FAM107B: variants seen among roughly 807,000 people sequenced by gnomAD.
FAM107B encodes the protein protein FAM107B.
In FAM107B, 21 loss-of-function variants were observed where a neutral mutation model predicts 31.5. That is an observed-to-expected ratio of 0.67 (90% confidence interval 0.47 to 0.96). The LOEUF is 0.96. FAM107B is among the 40% of genes least tolerant of loss of function. FAM107B has a pLI of 0.00. For synonymous variants in FAM107B, 157 were observed against 141.5 expected (o/e 1.11, Z -0.78); for missense variants, 452 against 377.1 (o/e 1.20, Z -1.64).
chr10:14,629,529 T>C (rs1853296829), intron 2 of FAM107B, among the ~76,000 whole-genome samples: 1 of 132,690 alleles, frequency 7.5e-6, no homozygotes, highest in Non-Finnish European at 1.5e-5. Flanking sequence ...ATATTTTTTT[T>C]TGAGATGAAG....
At chr10:14,640,164 G>A (rs1269578478) in intron 2 of FAM107B, among the ~76,000 whole-genome samples, 2 of 152,160 alleles carry the variant, frequency 1.3e-5, no homozygotes, top group African/African-American at 4.8e-5. Context: ...CTCACAACCA[G>A]CCTTTGAGAT....
intron 1 of FAM107B, among the ~76,000 whole-genome samples, chr10:14,717,850 C>T (rs1325900582): frequency 6.6e-6 from 1 of 152,168 alleles, no homozygotes; most frequent in Non-Finnish European, 1.5e-5. Flanking sequence ...TCTCAACTAT[C>T]TCAGAAACAG....
chr10:14,619,519 A>G (rs1019460671), intron 2 of FAM107B, among the ~76,000 whole-genome samples: 1 of 151,740 alleles, frequency 6.6e-6, no homozygotes, highest in African/African-American at 2.4e-5. Context: ...TCCAGTTTTT[A>G]TTGGTTGTGT....
In FAM107B at chr10:14,640,866, G is replaced by T. The variant is rs142196788; in HGVS notation, c.469+26768C>A. Among the ~76,000 whole-genome samples the T allele has an allele frequency of 8.7e-3, 1,319 of 152,244 alleles. 11 individuals carry two copies. Among genetic ancestry groups the T allele is most frequent in the African/African-American group, 0.031 (1,267 of 41,540 alleles). On this transcript the variant is annotated intron_variant, in intron 2 of 4. Transcript: ENST00000181796. The stretch of plus-strand genomic sequence containing the variant: ...TTGGCACACTGCTTTTCTTCAAGGG[G>T]ACTGCCCAATTCTCACATTTTCCCC...
At chr10:14,617,158 G>A (rs1038644819) in intron 2 of FAM107B, among the ~76,000 whole-genome samples, 6 of 151,302 alleles carry the variant, frequency 4.0e-5, no homozygotes, top group African/African-American at 1.5e-4. Flanking sequence ...TAACTGACTC[G>A]GGATATTTTC....
At chr10:14,701,125 T>G (rs1855389692) in intron 1 of FAM107B, among the ~76,000 whole-genome samples, 1 of 152,238 alleles carries the variant, frequency 6.6e-6, no homozygotes, top group Non-Finnish European at 1.5e-5. Flanking sequence ...TCACCTTATG[T>G]TCTCTGACAT....
intron 2 of FAM107B, among the ~76,000 whole-genome samples, chr10:14,618,734 A>G (rs2131399363): frequency 6.6e-6 from 1 of 152,206 alleles, no homozygotes; most frequent in South Asian, 2.1e-4. Flanking sequence ...CTACACAGGA[A>G]GTTGAGGCAG....
Position 14,767,307 on chromosome 10 carries a change from G to A in FAM107B, c.411+6946C>T, listed in dbSNP as rs113713498. On this transcript the variant is annotated intron_variant, in intron 1 of 4. Coordinates refer to ENST00000181796, the MANE Select transcript of FAM107B (RefSeq NM_031453.4). The stretch of plus-strand genomic sequence containing the variant: ...GGGTTTCACCATGCTGGCCAGGCTG[G>A]TCTCGAACTCCTGACCTCATATGAT... Among the ~76,000 whole-genome samples, 236 of 151,346 alleles carry A rather than the reference G, an allele frequency of 1.6e-3. 3 individuals carry two copies. Among genetic ancestry groups the A allele is most frequent in the African/African-American group, 5.3e-3 (220 of 41,286 alleles).
chr10:14,650,854 C>G (rs1853880519), intron 2 of FAM107B, among the ~76,000 whole-genome samples: 1 of 152,148 alleles, frequency 6.6e-6, no homozygotes, highest in African/African-American at 2.4e-5. Flanking sequence ...AAAACTCAAC[C>G]ATATTCCCTT....
chr10:14,571,738 G>T, intron 2 of FAM107B: 1 of 978,630 alleles, frequency 1.0e-6, no homozygotes, highest in Non-Finnish European at 1.2e-6. Flanking sequence ...AACAGCCATA[G>T]AAAAGTCCCA....
At chr10:14,536,794 C>T (rs961687464) in intron 2 of FAM107B, among the ~76,000 whole-genome samples, 8 of 152,216 alleles carry the variant, frequency 5.3e-5, no homozygotes, top group Admixed American at 2.6e-4. Context: ...ACTATGGCTA[C>T]GGGACAGTCC....
intron 2 of FAM107B, among the ~76,000 whole-genome samples, chr10:14,630,238 T>G (rs1170635385): frequency 1.4e-5 from 2 of 146,670 alleles, no homozygotes; most frequent in East Asian, 4.0e-4. Flanking sequence ...CATTAAGACA[T>G]GCTTATGCAG....
chr10:14,626,499 C>CTT (rs71505032), intron 2 of FAM107B, among the ~76,000 whole-genome samples: 36,445 of 108,568 alleles, frequency 0.34, 7,255 homozygotes, highest in Non-Finnish European at 0.37. Context: ...TGAGGCGGAT[C>CTT]TTTTTTTTCT....
At chr10:14,620,207 C>T (rs1039835466) in intron 2 of FAM107B, among the ~76,000 whole-genome samples, 2 of 151,864 alleles carry the variant, frequency 1.3e-5, no homozygotes, top group Non-Finnish European at 2.9e-5. Flanking sequence ...TTAGTAGAGA[C>T]GGGGTTTCAC....
At chr10:14,560,324 G>GT (rs1365874145) in intron 2 of FAM107B, among the ~76,000 whole-genome samples, 2 of 151,966 alleles carry the variant, frequency 1.3e-5, no homozygotes, top group African/African-American at 4.8e-5. Context: ...TCATCTTTCT[G>GT]TAAAAACTAA....
intron 2 of FAM107B, among the ~76,000 whole-genome samples, chr10:14,592,210 G>GA (rs1392996907): frequency 1.3e-5 from 2 of 152,204 alleles, no homozygotes; most frequent in Admixed American, 6.5e-5. Context: ...ACTAGGCTAT[G>GA]AATGGCTGGG....
chr10:14,665,104 T>C (rs1854372383), intron 2 of FAM107B, among the ~76,000 whole-genome samples: 1 of 152,246 alleles, frequency 6.6e-6, no homozygotes, highest in South Asian at 2.1e-4. Context: ...TTAGGTGTTT[T>C]TGAAGAAGGG....
At chr10:14,703,431 G>C (rs561962241) in intron 1 of FAM107B, among the ~76,000 whole-genome samples, 2 of 151,736 alleles carry the variant, frequency 1.3e-5, no homozygotes, top group African/African-American at 4.8e-5. Context: ...CCGCCTCTGG[G>C]TTCAAGCAAT....
At chr10:14,654,600 A>G (rs1025579544) in intron 2 of FAM107B, among the ~76,000 whole-genome samples, 2 of 152,168 alleles carry the variant, frequency 1.3e-5, no homozygotes, top group Non-Finnish European at 2.9e-5. Context: ...CTGATTATGT[A>G]TTCCATTTTG....
Sources: gnomAD v4.1 joint callset for allele counts (sites outside exome capture counted in the v4.1 genomes callset) on GRCh38, gnomAD v4.1.1 for gene constraint, MANE v1.5 for transcripts, NCBI Gene and HGNC (gene_info 2026-07-23, HGNC 2026-07-21) for gene names.